The following CLYBL variants were observed in gnomAD, a reference collection of about 807,000 sequenced individuals.
CLYBL encodes the protein citramalyl-CoA lyase, mitochondrial.
A neutral mutation model predicts 38.9 loss-of-function variants in CLYBL; 31 were observed. The observed-to-expected ratio is 0.80, with a 90% confidence interval of 0.60 to 1.08. The LOEUF (loss-of-function observed/expected upper bound fraction) is 1.08, where lower values mean the gene tolerates loss of function less well. Among genes scored for constraint, CLYBL ranks in the 50% least tolerant of loss-of-function variants. The pLI, the probability that CLYBL is intolerant of heterozygous loss-of-function variation, is 0.00. For missense variants in CLYBL, 434 were observed against 411.6 expected (o/e 1.05, Z -0.47); for synonymous variants, 171 against 158.6 (o/e 1.08, Z -0.59).
chr13:99,798,096 CAG>C (rs1296633805), intron 2 of CLYBL, among the ~76,000 whole-genome samples: 1 of 152,082 alleles, frequency 6.6e-6, no homozygotes, highest in Non-Finnish European at 1.5e-5. Context: ...CAATATTTGC[CAG>C]AGTTTCTCTG....
At chr13:99,690,615 T>C (rs976337362) in intron 1 of CLYBL, 1 of 152,232 alleles carries the variant, frequency 6.6e-6, no homozygotes, top group Non-Finnish European at 1.5e-5. Flanking sequence ...AGAATGTTTC[T>C]GAACAGCTGC....
At chr13:99,818,468 C>T (rs2050505728) in intron 2 of CLYBL, among the ~76,000 whole-genome samples, 1 of 151,862 alleles carries the variant, frequency 6.6e-6, no homozygotes, top group Non-Finnish European at 1.5e-5. Flanking sequence ...CACACACACA[C>T]ACACACACAC....
At chr13:99,868,866 C>T (rs1045102629) in intron 6 of CLYBL, among the ~76,000 whole-genome samples, 1 of 152,026 alleles carries the variant, frequency 6.6e-6, no homozygotes, top group Admixed American at 6.6e-5. Context: ...TTCTTTTTTG[C>T]AGTCTATTGT....
chr13:99,811,630 T>C (rs2806297), intron 2 of CLYBL, among the ~76,000 whole-genome samples: 99,478 of 151,956 alleles, frequency 0.65, 33,858 homozygotes, highest in East Asian at 0.95. Context: ...GCTCTCTGCA[T>C]TGCTTTTACT....
intron 2 of CLYBL, among the ~76,000 whole-genome samples, chr13:99,848,061 C>G (rs990122066): frequency 1.1e-4 from 17 of 152,156 alleles, no homozygotes; most frequent in Non-Finnish European, 2.5e-4. Context: ...CCTCACTGTT[C>G]CTGCCGCTGC....
intron 1 of CLYBL, among the ~76,000 whole-genome samples, chr13:99,632,350 A>T (rs2085916579): frequency 6.6e-6 from 1 of 152,244 alleles, no homozygotes; most frequent in Non-Finnish European, 1.5e-5. Context: ...GTGTTCAGCC[A>T]AGTTAGCTGT....
chr13:99,667,518 T>C (rs1023300760), intron 1 of CLYBL, among the ~76,000 whole-genome samples: 5 of 151,478 alleles, frequency 3.3e-5, no homozygotes, highest in African/African-American at 1.2e-4. Context: ...GTGGCAGGTT[T>C]AGGATTCTGT....
intron 2 of CLYBL, among the ~76,000 whole-genome samples, chr13:99,817,766 G>T (rs1413210831): frequency 6.6e-6 from 1 of 152,068 alleles, no homozygotes; most frequent in Non-Finnish European, 1.5e-5. Context: ...ACTTCGGGAG[G>T]CCAAGGCAGG....
chr13:99,791,981 T>C (rs376001134), intron 2 of CLYBL, among the ~76,000 whole-genome samples: 2 of 152,186 alleles, frequency 1.3e-5, no homozygotes, highest in African/African-American at 2.4e-5. Context: ...AAGACTCTAA[T>C]GCCAGAAAAA....
At chr13:99,778,243 A>ATG (rs1319794747) in intron 2 of CLYBL, among the ~76,000 whole-genome samples, 3 of 152,050 alleles carry the variant, frequency 2.0e-5, no homozygotes, top group Non-Finnish European at 2.9e-5. Flanking sequence ...CCTCTTAATC[A>ATG]TGTTTCTTAT....
At position 99,747,815 on chromosome 13, in the gene CLYBL, G is replaced by A. The variant is rs915560569; in HGVS notation, c.63-25009G>A. On this transcript the variant is annotated intron_variant, in intron 1 of 8. Transcript: ENST00000339105. ...CTTCCTTAGCGAGGGCCAGCGTGTG[G>A]TGGACTCAATATTTGTTGAATGTGT... Among the ~76,000 whole-genome samples the A allele has an allele frequency of 1.7e-4, 26 of 152,300 alleles. 1 individual carries two copies. The highest frequency in any genetic ancestry group is 3.8e-4 in the African/African-American group (16 of 41,560).
intron 1 of CLYBL, among the ~76,000 whole-genome samples, chr13:99,624,704 G>A (rs2046844763): frequency 6.6e-6 from 1 of 152,170 alleles, no homozygotes; most frequent in Admixed American, 6.5e-5. Context: ...AGCTTGGCCA[G>A]TCTGAGTCCA....
intron 1 of CLYBL, among the ~76,000 whole-genome samples, chr13:99,673,637 G>C (rs948210444): frequency 5.9e-5 from 9 of 152,206 alleles, no homozygotes; most frequent in Non-Finnish European, 1.3e-4. Flanking sequence ...CTGGTGTGAA[G>C]TGAGAGGGGT....
At chr13:99,823,145 C>A (rs1335152752) in intron 2 of CLYBL, among the ~76,000 whole-genome samples, 2 of 152,120 alleles carry the variant, frequency 1.3e-5, no homozygotes, top group Non-Finnish European at 2.9e-5. Flanking sequence ...TTATTTATTT[C>A]TTTAAAAATG....
chr13:99,608,653 A>C lies in CLYBL; in HGVS notation c.62+1896A>C, dbSNP rs575399359. Among the ~76,000 whole-genome samples the C allele has an allele frequency of 2.6e-5, 4 of 152,148 alleles. No individual in the cohort carries two copies. The East Asian group carries it at 7.7e-4, about 29-fold the overall frequency. On this transcript the variant is annotated intron_variant, in intron 1 of 8. Coordinates refer to ENST00000339105, the MANE Select transcript of CLYBL (RefSeq NM_206808.5). ...TCCCCACGCCAGTACGCTGGGGGTT[A>C]ACTCAGTGCTCCTCACCCGCCTTAG...
intron 2 of CLYBL, among the ~76,000 whole-genome samples, chr13:99,841,052 G>A (rs1317213209): frequency 6.6e-6 from 1 of 152,144 alleles, no homozygotes; most frequent in East Asian, 1.9e-4. Flanking sequence ...AGGACCATCT[G>A]CAACCTATAG....
At chr13:99,866,197 C>G (rs1406953306) in intron 5 of CLYBL, 43 bp from the exon 6 acceptor site, 1 of 1,595,684 alleles carries the variant, frequency 6.3e-7, no homozygotes. Flanking sequence ...GGTGCGGTTT[C>G]CAAAGTTAAA....
At chr13:99,816,635 G>A (rs2050453799) in intron 2 of CLYBL, among the ~76,000 whole-genome samples, 1 of 152,164 alleles carries the variant, frequency 6.6e-6, no homozygotes, top group Non-Finnish European at 1.5e-5. Context: ...TATGAAAGAG[G>A]CTCCTCAGAG....
chr13:99,707,355 C>T (rs781344042), intron 1 of CLYBL, among the ~76,000 whole-genome samples: 28 of 152,016 alleles, frequency 1.8e-4, no homozygotes, highest in Non-Finnish European at 3.4e-4. Context: ...CTGCAACCTC[C>T]GCCTCCCGGG....
Sources: allele counts gnomAD v4.1 joint callset (sites outside exome capture counted in the v4.1 genomes callset), GRCh38; gene constraint gnomAD v4.1.1; transcripts MANE v1.5; gene names NCBI Gene and HGNC (gene_info 2026-07-23, HGNC 2026-07-21).